Variants in DNAH17 observed in about 807,000 individuals in gnomAD.
DNAH17 encodes the protein axonemal beta dynein heavy chain 17.
Under a neutral mutation model 485.6 loss-of-function variants are expected in DNAH17, and 376 were observed. The ratio of observed to expected loss-of-function variants is 0.77; its 90% confidence interval spans 0.71 to 0.84. The LOEUF is 0.84. DNAH17 is among the 40% of genes least tolerant of loss of function. DNAH17 has a pLI of 0.00. For missense variants in DNAH17, 6,370 were observed against 5,839.3 expected (o/e 1.09, Z -2.96); for synonymous variants, 3,031 against 2,405.9 (o/e 1.26, Z -7.60).
chr17:78,434,935 G>A lies in DNAH17; in HGVS notation c.12034-715C>T, dbSNP rs146998020. Among the ~76,000 whole-genome samples, 120 of 152,318 alleles carry A rather than the reference G, an allele frequency of 7.9e-4. 2 individuals carry two copies. In the East Asian group the frequency reaches 0.02, roughly 25 times the overall value. ...TTCAGGCACAGTGGCCGAGGATCCCGCTGGGGAGGGACAGATAAGTGCCAG... is the reference window on the plus strand; with the variant it reads ...TTCAGGCACAGTGGCCGAGGATCCCACTGGGGAGGGACAGATAAGTGCCAG... On this transcript the variant is annotated intron_variant, in intron 74 of 80. Coordinates refer to ENST00000389840, the MANE Select transcript of DNAH17 (RefSeq NM_173628.4).
At chr17:78,557,346 G>A (rs1483382468) in intron 14 of DNAH17, among the ~76,000 whole-genome samples, 2 of 152,136 alleles carry the variant, frequency 1.3e-5, no homozygotes, top group East Asian at 1.9e-4. Context: ...GGCCAGGCTT[G>A]GGGCCTTATG....
At chr17:78,496,070 T>A in intron 37 of DNAH17, 38 bp from the exon 38 acceptor site, 1 of 1,593,860 alleles carries the variant, frequency 6.3e-7, no homozygotes, top group South Asian at 1.1e-5. Context: ...AGCATGGAAA[T>A]GGCCAGCTTC....
At position 78,484,773 on chromosome 17, in the gene DNAH17, C is replaced by G. The variant is rs59901544; in HGVS notation, c.7649+95G>C. On this transcript the variant is annotated intron_variant, in intron 48 of 80. Transcript: ENST00000389840. ...ACCGCCCCACACCAGTCCTGCCCTA[C>G]TGCCCTGGGGCTCCGCCTCTTCCTG... The G allele has an allele frequency of 1.3e-3, 1,459 of 1,107,556 alleles. 23 individuals are homozygous for G. The African/African-American group carries it at 0.025, about 19-fold the overall frequency. The allele number at this position is 1,107,556 out of a possible 1,614,324, so 68.6% of individuals were successfully genotyped here.
chr17:78,462,004 G>T (rs147858557), intron 57 of DNAH17, among the ~76,000 whole-genome samples: 1 of 151,960 alleles, frequency 6.6e-6, no homozygotes, highest in African/African-American at 2.4e-5. Flanking sequence ...GACCCTGTCT[G>T]TATAAATAAT....
At chr17:78,502,740 G>A (rs754397345) in intron 32 of DNAH17, 42 bp from the exon 33 acceptor site, 108 of 1,599,760 alleles carry the variant, frequency 6.8e-5, no homozygotes, top group East Asian at 4.5e-5. Context: ...GTGAGCGATC[G>A]CTGGCGCCTG....
Position 78,480,013 on chromosome 17 carries a change from C to CTTTTTTTTTT in DNAH17, c.7753-391_7753-382dup, listed in dbSNP as rs370344478. 2.8e-4 allele frequency among the ~76,000 whole-genome samples: 20 copies of CTTTTTTTTTT among 70,526 alleles called. 1 individual carries two copies. Among genetic ancestry groups the CTTTTTTTTTT allele is most frequent in the African/African-American group, 8.5e-4 (20 of 23,640 alleles). The allele number at this position is 70,526 out of a possible 152,430, so 46.3% of individuals were successfully genotyped here. A position where few individuals can be genotyped will look rare whatever the true frequency, so the allele number is the denominator to read the frequency against. On this transcript the variant is annotated intron_variant, in intron 49 of 80. Coordinates refer to ENST00000389840, the MANE Select transcript of DNAH17 (RefSeq NM_173628.4). ...CTGAATTTCAGATAAACAACAAGTA[C>CTTTTTTTTTT]TTTTTTTTTTTTTTTTTTTTTTTTT...
rs985969212 is a variant in DNAH17 at position 78,552,917 on chromosome 17, C to T, written c.2179-112G>A. ...AACTAATACGGTTTGGATCTGTGTC[C>T]CCACTCAGGTCTCATGTTGAATTGT... On this transcript the variant is annotated intron_variant, in intron 14 of 80. Transcript: ENST00000389840. 22 of 744,638 alleles carry T rather than the reference C, an allele frequency of 3.0e-5. No homozygotes were observed. The African/African-American group carries it at 3.6e-4, about 12-fold the overall frequency. The allele number at this position is 744,638 out of a possible 1,614,324, so 46.1% of individuals were successfully genotyped here. A position where few individuals can be genotyped will look rare whatever the true frequency, so the allele number is the denominator to read the frequency against.
rs1421933737 is a variant in DNAH17 at position 78,494,117 on chromosome 17, C to T, written c.6327G>A (p.Leu2109=). The T allele has an allele frequency of 2.5e-6, 4 of 1,612,796 alleles. No individual in the cohort carries two copies. In the African/African-American group the frequency reaches 4.0e-5, roughly 16 times the overall value. ...LKLQAEDSFV[L]KVVQLEELLQ... ...GCAGCTCCTCCAGCTGCACCACCTT[C>T]AGCACGAAGCTGTCCTCCGCCTGCA... Residue 2109 remains leucine (L), a synonymous_variant, in exon 41 of 81, where the codon CTG becomes CTA. Transcript: ENST00000389840.
rs148590214 is a variant in DNAH17, at chr17:78,552,840, C to G, written c.2179-35G>C. ...AGAGGTGACAGGTTTTGTTCCGAGT[C>G]CAACCAGATTTTAAATTGTTCTCTG... On this transcript the variant is annotated intron_variant, in intron 14 of 80. Transcript: ENST00000389840. 108 of 1,464,178 alleles carry G rather than the reference C, an allele frequency of 7.4e-5. 1 individual carries two copies. In the East Asian group the frequency reaches 2.2e-3, roughly 29 times the overall value. 90.7% of individuals were successfully genotyped at this position (1,464,178 alleles called of 1,614,324 possible).
At chr17:78,465,699 G>A (rs12947640) in intron 56 of DNAH17, among the ~76,000 whole-genome samples, 20 of 149,726 alleles carry the variant, frequency 1.3e-4, no homozygotes, top group African/African-American at 4.2e-4. Flanking sequence ...CCCGGCAACC[G>A]CCCCGTCTGA....
chr17:78,512,576 C>T (rs543061445), intron 26 of DNAH17, among the ~76,000 whole-genome samples: 8 of 81,408 alleles, frequency 9.8e-5, no homozygotes, highest in African/African-American at 2.3e-4. Context: ...CTGTCCTCCC[C>T]CTATTTGCCT....
At position 78,458,986 on chromosome 17, in the gene DNAH17, C is replaced by T. The variant is rs756325097; in HGVS notation, c.9861+15G>A. On this transcript the variant is annotated intron_variant, in intron 61 of 80. Coordinates refer to ENST00000389840, the MANE Select transcript of DNAH17 (RefSeq NM_173628.4). ...CTCTGGTGTTTCGCAGGGACGGGAG[C>T]GAGCCGGCACTTACGGCAATCTTGT... is the stretch of plus-strand genomic sequence containing the variant. 1.3e-5 allele frequency: 21 copies of T among 1,613,466 alleles called. No individual in the cohort carries two copies. The highest frequency in any genetic ancestry group is 6.7e-5 in the Admixed American group (4 of 60,028).
chr17:78,430,921 C>G (rs1421644530), intron 75 of DNAH17, among the ~76,000 whole-genome samples: 1 of 151,998 alleles, frequency 6.6e-6, no homozygotes, highest in Non-Finnish European at 1.5e-5. Context: ...TGTTCCATGT[C>G]CCAGGCTGGA....
chr17:78,543,785 G>A (rs780026888), intron 17 of DNAH17, 72 bp downstream of exon 17: 6 of 1,601,282 alleles, frequency 3.7e-6, no homozygotes, highest in South Asian at 2.2e-5. Flanking sequence ...GAAATCTCCA[G>A]CCCTGGGTTT....
rs555947503 is a variant in DNAH17 at position 78,499,183 on chromosome 17, C to T, written c.5641-71G>A. 777 of 1,110,666 alleles carry T rather than the reference C, an allele frequency of 7.0e-4. 1 individual carries two copies. The highest frequency in any genetic ancestry group is 1.1e-3 in the South Asian group (64 of 58,790). The allele number at this position is 1,110,666 out of a possible 1,614,324, so 68.8% of individuals were successfully genotyped here. On this transcript the variant is annotated intron_variant, in intron 36 of 80. Coordinates refer to ENST00000389840, the MANE Select transcript of DNAH17 (RefSeq NM_173628.4). ...GGAGGGCGGGCGCTGCAGGGGCCTC[C>T]CCCTGCCTCTTCGGCTGTGTTTTCT...
At chr17:78,482,260 A>G (rs965803089) in intron 48 of DNAH17, among the ~76,000 whole-genome samples, 6 of 151,942 alleles carry the variant, frequency 3.9e-5, no homozygotes, top group Non-Finnish European at 8.8e-5. Context: ...ACCTGGGTTC[A>G]AGTGATCCTC....
At position 78,490,770 on chromosome 17, in the gene DNAH17, C is replaced by T; in HGVS notation, c.6747G>A (p.Arg2249=). The stretch of plus-strand genomic sequence containing the variant: ...TGGAAACGGTGGCTGGGGTGGCCGT[C>T]CTCAGGTGGCTGATTTCGAACACCA... ...MRLVFEISHL[R]TATPATVSRA... The change falls in exon 44 of 81, where the codon AGG becomes AGA. Residue 2249 remains arginine, a synonymous_variant. Coordinates refer to ENST00000389840, the MANE Select transcript of DNAH17 (RefSeq NM_173628.4). 1 of 1,605,490 alleles carries T rather than the reference C, an allele frequency of 6.2e-7. No individual in the cohort carries two copies. Among genetic ancestry groups the T allele is most frequent in the South Asian group, 1.1e-5 (1 of 89,260 alleles).
chr17:78,485,048 G>C lies in DNAH17; in HGVS notation c.7484-15C>G. On this transcript the variant is annotated splice_polypyrimidine_tract_variant and intron_variant, in intron 47 of 80. Coordinates refer to ENST00000389840, the MANE Select transcript of DNAH17 (RefSeq NM_173628.4). ...CTCCAGCACCCCTAGAGAGGGCAGA[G>C]GGTCAGCTGCCCGCCTGCGCCTCCT... The C allele has an allele frequency of 1.3e-6, 2 of 1,586,462 alleles. No individual in the cohort carries two copies. Among genetic ancestry groups the C allele is most frequent in the Admixed American group, 1.8e-5 (1 of 55,166 alleles).
intron 25 of DNAH17, among the ~76,000 whole-genome samples, chr17:78,518,467 C>T (rs1176143368): frequency 6.6e-6 from 1 of 152,176 alleles, no homozygotes; most frequent in Admixed American, 6.5e-5. Context: ...AATCTGTACA[C>T]ACCAAGCAAC....
Sources: gnomAD v4.1 joint callset for allele counts (sites outside exome capture counted in the v4.1 genomes callset) on GRCh38, gnomAD v4.1.1 for gene constraint, MANE v1.5 for transcripts, NCBI Gene and HGNC (gene_info 2026-07-23, HGNC 2026-07-21) for gene names.